The following DNM3 variants were observed in gnomAD, a reference collection of about 807,000 sequenced individuals.
The protein encoded by DNM3 is dynamin 3, also known as dynamin-3.
In DNM3, 47 loss-of-function variants were observed where a neutral mutation model predicts 101.6. The observed-to-expected ratio is 0.46, with a 90% CI of 0.37 to 0.59. The LOEUF is 0.59. DNM3 is among the 20% of genes least tolerant of loss of function. DNM3 has a pLI of 0.00. For missense variants in DNM3, 849 were observed against 1,085.7 expected (o/e 0.78, Z 3.06); for synonymous variants, 385 against 387.9 (o/e 0.99, Z 0.09).
Position 172,125,262 on chromosome 1 carries a change from C to T in DNM3, c.1546-5913C>T, listed in dbSNP as rs146275973. Among the ~76,000 whole-genome samples the T allele has an allele frequency of 4.6e-3, 699 of 152,228 alleles. 7 individuals are homozygous for T. Among genetic ancestry groups the T allele is most frequent in the African/African-American group, 0.016 (658 of 41,518 alleles). On this transcript the variant is annotated intron_variant, in intron 13 of 20. Coordinates refer to ENST00000627582, the MANE Select transcript of DNM3 (RefSeq NM_015569.5). ...CATAGCTGAAAAAAACTTGCATGGT[C>T]GACCATAAGTGAGATCAAGGTCAAA...
At chr1:171,973,778 C>T (rs1219858185) in intron 2 of DNM3, among the ~76,000 whole-genome samples, 3 of 151,922 alleles carry the variant, frequency 2.0e-5, no homozygotes, top group Non-Finnish European at 4.4e-5. Context: ...ATGCTCCCAC[C>T]TCAGCCTTCC....
chr1:172,304,872 C>G (rs188646613), intron 15 of DNM3, among the ~76,000 whole-genome samples: 2 of 152,276 alleles, frequency 1.3e-5, no homozygotes, highest in East Asian at 3.9e-4. Context: ...CTCTGGGACG[C>G]ATTTAAAGCA....
At chr1:172,350,249 C>T (rs1193756823) in intron 17 of DNM3, among the ~76,000 whole-genome samples, 2 of 152,056 alleles carry the variant, frequency 1.3e-5, no homozygotes, top group Non-Finnish European at 2.9e-5. Context: ...AGCCCTTCCT[C>T]AGGACTTTTT....
chr1:172,232,899 G>A (rs1266132304), intron 14 of DNM3, among the ~76,000 whole-genome samples: 1 of 152,132 alleles, frequency 6.6e-6, no homozygotes, highest in Admixed American at 6.5e-5. Flanking sequence ...GTGTGTAGAG[G>A]GAAATTTATA....
intron 14 of DNM3, among the ~76,000 whole-genome samples, chr1:172,141,394 C>A (rs1558632957): frequency 6.6e-6 from 1 of 151,992 alleles, no homozygotes; most frequent in Non-Finnish European, 1.5e-5. Flanking sequence ...GTGATGGTCT[C>A]TTAGTTATTA....
intron 2 of DNM3, among the ~76,000 whole-genome samples, chr1:171,982,066 T>C (rs919541443): frequency 1.3e-5 from 2 of 152,270 alleles, no homozygotes; most frequent in Admixed American, 1.3e-4. Context: ...ACTGAGAACA[T>C]GTCAAGAGAG....
chr1:172,199,622 C>T (rs567323619), intron 14 of DNM3, among the ~76,000 whole-genome samples: 1 of 151,758 alleles, frequency 6.6e-6, no homozygotes, highest in Admixed American at 6.6e-5. Context: ...TTAGGATAGT[C>T]TTCTTGTTGA....
intron 12 of DNM3, 25 bp from the exon 13 acceptor site, chr1:172,092,799 T>G: frequency 6.5e-7 from 1 of 1,547,504 alleles, no homozygotes; most frequent in Non-Finnish European, 8.7e-7. Context: ...GTCTCTTCAG[T>G]GCTGCTTTCC....
intron 10 of DNM3, among the ~76,000 whole-genome samples, chr1:172,059,021 A>T (rs958849081): frequency 1.3e-5 from 2 of 151,968 alleles, no homozygotes; most frequent in East Asian, 1.9e-4. Context: ...ATATCACCAC[A>T]GATCACACAG....
At chr1:171,933,964 C>T (rs1007933303) in intron 2 of DNM3, among the ~76,000 whole-genome samples, 12 of 152,148 alleles carry the variant, frequency 7.9e-5, no homozygotes, top group African/African-American at 2.7e-4. Context: ...TTATTCTCTC[C>T]AGGAAGTAGA....
Position 172,037,551 on chromosome 1 carries a change from C to A in DNM3, c.850-768C>A, listed in dbSNP as rs546687023. 2.6e-5 allele frequency among the ~76,000 whole-genome samples: 4 copies of A among 152,206 alleles called. No homozygotes were observed. The South Asian group carries it at 8.3e-4, about 31-fold the overall frequency. On this transcript the variant is annotated intron_variant, in intron 6 of 20. Transcript: ENST00000627582. ...GTTTTTTCTTTTAATTCAGACTTTT[C>A]TTTAACTGCATTGTAATAGAAAGGC...
intron 6 of DNM3, 89 bp from the exon 7 acceptor site, chr1:172,038,230 T>C (rs2049108999): frequency 2.7e-6 from 4 of 1,498,978 alleles, no homozygotes; most frequent in East Asian, 4.6e-5. Flanking sequence ...AGAAAAACAA[T>C]GGAGGCGGAT....
At chr1:172,371,369 T>G (rs1398051014) in intron 17 of DNM3, among the ~76,000 whole-genome samples, 1 of 152,028 alleles carries the variant, frequency 6.6e-6, no homozygotes, top group Admixed American at 6.6e-5. Context: ...GAAAACACGC[T>G]TAAAGAAGGA....
chr1:172,081,501 T>C (rs1346734374), intron 11 of DNM3, among the ~76,000 whole-genome samples: 1 of 152,216 alleles, frequency 6.6e-6, no homozygotes, highest in African/African-American at 2.4e-5. Context: ...TTATTTGTGC[T>C]TGTCCTTCTT....
At chr1:171,871,381 GA>G (rs777732773) in intron 1 of DNM3, among the ~76,000 whole-genome samples, 70 of 152,160 alleles carry the variant, frequency 4.6e-4, no homozygotes, top group Non-Finnish European at 6.9e-4. Context: ...TGCATTTCCG[GA>G]AAATTCAATG....
chr1:172,374,152 C>G (rs1373368642), intron 17 of DNM3, among the ~76,000 whole-genome samples: 1 of 152,076 alleles, frequency 6.6e-6, no homozygotes, highest in Non-Finnish European at 1.5e-5. Context: ...ACAGCTCAAC[C>G]TAGCAAATTT....
chr1:171,933,357 G>C (rs1204842031), intron 2 of DNM3, among the ~76,000 whole-genome samples: 1 of 152,144 alleles, frequency 6.6e-6, no homozygotes, highest in East Asian at 1.9e-4. Flanking sequence ...ACTTCCTTTT[G>C]ATTCATTCAT....
At chr1:172,141,686 G>A (rs1352487228) in intron 14 of DNM3, among the ~76,000 whole-genome samples, 3 of 152,034 alleles carry the variant, frequency 2.0e-5, no homozygotes, top group Admixed American at 6.6e-5. Context: ...GTCTGTAGGC[G>A]AGAGGTGGGG....
chr1:172,045,935 A>C (rs1048438712), intron 9 of DNM3, among the ~76,000 whole-genome samples: 33 of 152,180 alleles, frequency 2.2e-4, no homozygotes, highest in African/African-American at 8.0e-4. Flanking sequence ...TGTTGTTTTA[A>C]AATTTAGACA....
Sources: gnomAD v4.1 joint callset for allele counts (sites outside exome capture counted in the v4.1 genomes callset) on GRCh38, gnomAD v4.1.1 for gene constraint, MANE v1.5 for transcripts, NCBI Gene and HGNC (gene_info 2026-07-23, HGNC 2026-07-21) for gene names.